Variants in ENAH observed in about 807,000 individuals in gnomAD.
ENAH encodes protein enabled homolog.
A neutral mutation model predicts 78.7 loss-of-function variants in ENAH; 23 were observed. The observed-to-expected ratio is 0.29, with a 90% confidence interval of 0.21 to 0.41. The LOEUF (loss-of-function observed/expected upper bound fraction) is 0.41, where lower values mean the gene tolerates loss of function less well. ENAH is among the 10% of genes least tolerant of loss of function. ENAH has a pLI of 1.00. For synonymous variants in ENAH, 226 were observed against 241.0 expected, an observed-to-expected ratio of 0.94 and a Z score of 0.58; for missense variants, 544 against 691.0, an observed-to-expected ratio of 0.79 and a Z score of 2.39.
intron 1 of ENAH, among the ~76,000 whole-genome samples, chr1:225,637,915 T>C (rs1660352692): frequency 1.3e-5 from 2 of 152,098 alleles, no homozygotes; most frequent in Admixed American, 1.3e-4. Flanking sequence ...AGTCAGGCCT[T>C]GTCTCAAAAC....
At chr1:225,582,855 C>T (rs1007725023) in intron 1 of ENAH, among the ~76,000 whole-genome samples, 1 of 152,136 alleles carries the variant, frequency 6.6e-6, no homozygotes, top group Non-Finnish European at 1.5e-5. Context: ...GACAACTCCC[C>T]ACTCTCCGCA....
Position 225,562,130 on chromosome 1 carries a change from T to C in ENAH, c.171+5119A>G, listed in dbSNP as rs1217381496. Among the ~76,000 whole-genome samples the C allele has an allele frequency of 3.3e-5, 5 of 151,892 alleles. No individual in the cohort carries two copies. In the East Asian group the frequency reaches 9.8e-4, roughly 30 times the overall value. ...TAGAGACTGGGTTTCACCATGGTAGTCAGGCTCTTCTCAAACTCCTGAGCT... is the reference window on the plus strand; with the variant it reads ...TAGAGACTGGGTTTCACCATGGTAGCCAGGCTCTTCTCAAACTCCTGAGCT... On this transcript the variant is annotated intron_variant, in intron 2 of 13. Transcript: ENST00000366843.
intron 1 of ENAH, among the ~76,000 whole-genome samples, chr1:225,579,987 C>T (rs2096807404): frequency 6.6e-6 from 1 of 152,058 alleles, no homozygotes; most frequent in Non-Finnish European, 1.5e-5. Flanking sequence ...TAGTGGTAAA[C>T]TTTGCTTTTA....
intron 10 of ENAH, 116 bp downstream of exon 10, chr1:225,511,695 G>A: frequency 1.6e-6 from 1 of 616,928 alleles, no homozygotes; most frequent in East Asian, 3.0e-5. Context: ...AAAGAACTCT[G>A]GCATTTTAGT....
chr1:225,607,997 A>G (rs1248530021), intron 1 of ENAH, among the ~76,000 whole-genome samples: 1 of 152,130 alleles, frequency 6.6e-6, no homozygotes, highest in Admixed American at 6.5e-5. Context: ...TCAAACATTT[A>G]AGAAAACCTT....
chr1:225,511,288 C>T lies in ENAH; in HGVS notation c.1471+523G>A, dbSNP rs185229909. Among the ~76,000 whole-genome samples the T allele has an allele frequency of 3.3e-5, 5 of 152,300 alleles. No homozygotes were observed. The East Asian group carries it at 7.7e-4, about 24-fold the overall frequency. ...GTATTCTCATCTTGGATACAGTACT[C>T]ATCAAGTACTTCTAGTGAAATATAC... is the stretch of plus-strand genomic sequence containing the variant. On this transcript the variant is annotated intron_variant, in intron 10 of 13. Transcript: ENST00000366843.
At chr1:225,652,657 G>A in intron 1 of ENAH, 29 bp downstream of exon 1, 4 of 1,267,708 alleles carry the variant, frequency 3.2e-6, no homozygotes, top group Admixed American at 4.2e-5. Context: ...ACAATGGCCC[G>A]CCCGGCCCCC....
chr1:225,494,481 T>A lies in ENAH; in HGVS notation c.*3294A>T, dbSNP rs2096240231. The A allele has an allele frequency of 2.0e-5, 3 of 152,178 alleles. No homozygotes were observed. The South Asian group carries it at 6.2e-4, about 32-fold the overall frequency. The allele number at this position is 152,178 out of a possible 1,614,324, so 9.4% of individuals were successfully genotyped here. ...TGAATGAGTTTTAAGTACCTGAACG[T>A]GTTGCAGAACAAAATGGAATAAAAA... On this transcript the variant is annotated 3_prime_UTR_variant, in exon 14 of 14. Transcript: ENST00000366843.
intron 11 of ENAH, among the ~76,000 whole-genome samples, chr1:225,502,360 C>T (rs1049113106): frequency 5.9e-5 from 9 of 152,024 alleles, no homozygotes; most frequent in Non-Finnish European, 5.9e-5. Context: ...TACAGGTGCA[C>T]CACAATGCCT....
intron 1 of ENAH, among the ~76,000 whole-genome samples, chr1:225,609,895 C>CT (rs2096978989): frequency 6.6e-6 from 1 of 151,838 alleles, no homozygotes; most frequent in Admixed American, 6.6e-5. Context: ...AACTCCTGGC[C>CT]TCAAGTGATC....
intron 4 of ENAH, among the ~76,000 whole-genome samples, chr1:225,525,247 T>C (rs2096494968): frequency 6.6e-6 from 1 of 152,102 alleles, no homozygotes; most frequent in Non-Finnish European, 1.5e-5. Context: ...CCCAAAACTT[T>C]TTCTTCTCCA....
At chr1:225,502,648 T>A (rs544673772) in intron 11 of ENAH, among the ~76,000 whole-genome samples, 46 of 152,360 alleles carry the variant, frequency 3.0e-4, no homozygotes, top group African/African-American at 9.9e-4. Flanking sequence ...CAATAAGCAC[T>A]GAGCTAGGCA....
chr1:225,638,939 T>C (rs1660539441), intron 1 of ENAH, among the ~76,000 whole-genome samples: 1 of 152,182 alleles, frequency 6.6e-6, no homozygotes, highest in Non-Finnish European at 1.5e-5. Flanking sequence ...GCTAATGAAC[T>C]AAACATTTAT....
chr1:225,587,991 G>A (rs1036750153), intron 1 of ENAH, among the ~76,000 whole-genome samples: 55 of 152,124 alleles, frequency 3.6e-4, no homozygotes, highest in African/African-American at 1.3e-3. Flanking sequence ...AAGATATATC[G>A]ATTTAAACCT....
chr1:225,551,966 G>C lies in ENAH; in HGVS notation c.349+2940C>G, dbSNP rs910074709. Among the ~76,000 whole-genome samples, 17 of 152,190 alleles carry C rather than the reference G, an allele frequency of 1.1e-4. 1 individual carries two copies. The highest frequency in any genetic ancestry group is 4.1e-4 in the African/African-American group (17 of 41,542). Reference sequence around the variant, plus strand: ...GCAGCCAATTGGCTGTGAATCCAAAGCAAAGATTTTTGGCAGGGTATGATC... The same window carrying C: ...GCAGCCAATTGGCTGTGAATCCAAACCAAAGATTTTTGGCAGGGTATGATC... On this transcript the variant is annotated intron_variant, in intron 3 of 13. Coordinates refer to ENST00000366843, the MANE Select transcript of ENAH (RefSeq NM_018212.6).
chr1:225,590,372 A>C (rs1399186027), intron 1 of ENAH, among the ~76,000 whole-genome samples: 1 of 152,018 alleles, frequency 6.6e-6, no homozygotes, highest in Non-Finnish European at 1.5e-5. Context: ...GCTGAGGCTC[A>C]AAAATCACTT....
chr1:225,517,711 G>A, intron 5 of ENAH: 1 of 1,551,228 alleles, frequency 6.4e-7, no homozygotes, highest in Non-Finnish European at 8.7e-7. Flanking sequence ...AGAAGGTCGA[G>A]AGTTTTTGTT....
rs1360381291 is a variant in ENAH at position 225,494,144 on chromosome 1, A to C, written c.*3631T>G. ...CTGCAAATGTTAATGAATATTGGGA[A>C]CACGCGGTCCACGAGAAGTGGAGAG... On this transcript the variant is annotated 3_prime_UTR_variant, in exon 14 of 14. Transcript: ENST00000366843. The C allele has an allele frequency of 1.3e-5, 2 of 149,880 alleles. No homozygotes were observed. The highest frequency in any genetic ancestry group is 1.3e-4 in the Admixed American group (2 of 14,972). The allele number at this position is 149,880 out of a possible 1,614,324, so 9.3% of individuals were successfully genotyped here.
chr1:225,591,417 G>A (rs572001686), intron 1 of ENAH, among the ~76,000 whole-genome samples: 8 of 151,404 alleles, frequency 5.3e-5, no homozygotes, highest in South Asian at 2.1e-4. Context: ...GCAGTGAGCC[G>A]AGACTGCGCC....
Sources: allele counts gnomAD v4.1 joint callset (sites outside exome capture counted in the v4.1 genomes callset), GRCh38; gene constraint gnomAD v4.1.1; transcripts MANE v1.5; gene names NCBI Gene and HGNC (gene_info 2026-07-23, HGNC 2026-07-21).